The following FCHO1 variants were observed in gnomAD, a reference collection of about 807,000 sequenced individuals.
The protein encoded by FCHO1 is F-BAR domain only protein 1.
In FCHO1, 45 loss-of-function variants were observed where a neutral mutation model predicts 114.4. The ratio of observed to expected loss-of-function variants is 0.39; its 90% CI spans 0.31 to 0.50. The LOEUF (loss-of-function observed/expected upper bound fraction) is 0.50, where lower values mean the gene tolerates loss of function less well. Among genes scored for constraint, FCHO1 ranks in the 20% least tolerant of loss-of-function variants. The pLI, the probability that FCHO1 is intolerant of heterozygous loss-of-function variation, is 0.77. For synonymous variants in FCHO1, 480 were observed against 488.9 expected, an observed-to-expected ratio of 0.98 and a Z score of 0.24; for missense variants, 1,042 against 1,209.6, an observed-to-expected ratio of 0.86 and a Z score of 2.06.
intron 1 of FCHO1, 126 bp from the exon 2 acceptor site, chr19:17,754,191 C>T (rs912821735): frequency 6.6e-6 from 1 of 152,242 alleles, no homozygotes; most frequent in African/African-American, 2.4e-5. Flanking sequence ...ACAAGCCTGG[C>T]CTCTAGAACA....
At position 17,784,016 on chromosome 19, in the gene FCHO1, G is replaced by C; in HGVS notation, c.2094-87G>C. On this transcript the variant is annotated intron_variant, in intron 24 of 28. Transcript: ENST00000596536. This position sits in a 1 kb window ranked among gnomAD's most constrained non-coding sequence, Gnocchi z 5.3. Reference sequence around the variant, plus strand: ...TGGGCCCAGGGTGGGCCAGGAAATTGCATCTTTAGGAAGGGGTAGATTGAA... The same window carrying C: ...TGGGCCCAGGGTGGGCCAGGAAATTCCATCTTTAGGAAGGGGTAGATTGAA... 3 of 1,502,212 alleles carry C rather than the reference G, an allele frequency of 2.0e-6. No individual in the cohort carries two copies. The highest frequency in any genetic ancestry group is 1.3e-5 in the South Asian group (1 of 78,900). 93.1% of individuals were successfully genotyped at this position (1,502,212 alleles called of 1,614,324 possible).
chr19:17,770,832 G>A lies in FCHO1; in HGVS notation c.530G>A (p.Arg177His), dbSNP rs142922726. 19 of 1,614,142 alleles carry A rather than the reference G, an allele frequency of 1.2e-5. No individual in the cohort carries two copies. The highest frequency in any genetic ancestry group is 1.1e-4 in the African/African-American group (8 of 75,060). Residue 177 changes from arginine to histidine, a missense_variant, in exon 9 of 29, where the codon CGC becomes CAC. This residue lies in a region of FCHO1 where 450 missense variants were observed against 564.1 expected (regional missense o/e 0.80). Transcript: ENST00000596536. Reference protein sequence around the residue: ...KTKKAAESLRRSVEKYNSARA... With the variant: ...KTKKAAESLRHSVEKYNSARA... The stretch of plus-strand genomic sequence containing the variant: ...AAGAAGGCGGCAGAGAGCCTGCGGC[G>A]CTCAGTGGAAAAATACAACTCAGCC...
At chr19:17,764,546 C>A in intron 6 of FCHO1, 97 bp downstream of exon 6, 3 of 954,180 alleles carry the variant, frequency 3.1e-6, no homozygotes, top group Non-Finnish European at 3.1e-6. Flanking sequence ...GAGTGTCATC[C>A]ACCTCGATTA....
At chr19:17,765,402 T>C (rs1436471465) in intron 6 of FCHO1, among the ~76,000 whole-genome samples, 1 of 152,058 alleles carries the variant, frequency 6.6e-6, no homozygotes, top group Non-Finnish European at 1.5e-5. Context: ...CCGGGCGCGG[T>C]GGCTCAAGCC....
chr19:17,772,123 T>G (rs1369445980), intron 9 of FCHO1, among the ~76,000 whole-genome samples: 2 of 152,080 alleles, frequency 1.3e-5, no homozygotes, highest in Non-Finnish European at 2.9e-5. Context: ...TATTTCTGCT[T>G]CTTAAGTCTG....
Position 17,775,378 on chromosome 19 carries a change from C to A in FCHO1, c.946-78C>A. 1 of 1,413,390 alleles carries A rather than the reference C, an allele frequency of 7.1e-7. No homozygotes were observed. The highest frequency in any genetic ancestry group is 1.0e-6 in the Non-Finnish European group (1 of 998,638). The allele number at this position is 1,413,390 out of a possible 1,614,324, so 87.6% of individuals were successfully genotyped here. The stretch of plus-strand genomic sequence containing the variant: ...TCTGAGTCAAGGCCTGGGGGCAGGG[C>A]GGGGGGCGGTTGGCAGGGTGAGATG... On this transcript the variant is annotated intron_variant, in intron 14 of 28. Transcript: ENST00000596536. This position sits in a 1 kb window ranked among gnomAD's most constrained non-coding sequence, Gnocchi z 5.1.
intron 7 of FCHO1, 95 bp from the exon 8 acceptor site, chr19:17,770,330 C>A: frequency 7.6e-7 from 1 of 1,311,326 alleles, no homozygotes; most frequent in Non-Finnish European, 1.0e-6. Flanking sequence ...CACACACACA[C>A]ACATAGAAAA....
intron 27 of FCHO1, among the ~76,000 whole-genome samples, chr19:17,787,178 C>G (rs892931004): frequency 2.3e-5 from 3 of 130,886 alleles, no homozygotes; most frequent in Non-Finnish European, 3.1e-5. Flanking sequence ...GAGCCGAGAT[C>G]GTGCCACTGC....
chr19:17,775,460 G>A lies in FCHO1; in HGVS notation c.950G>A (p.Cys317Tyr). 6.2e-7 allele frequency: 1 copy of A among 1,613,944 alleles called. No individual in the cohort carries two copies. Among genetic ancestry groups the A allele is most frequent in the South Asian group, 1.1e-5 (1 of 91,084 alleles). Residue 317 changes from cysteine (C) to tyrosine (Y), a missense_variant, in exon 15 of 29, where the codon TGT (cysteine) becomes TAT (tyrosine). This residue lies in a region of FCHO1 where 450 missense variants were observed against 564.1 expected (regional missense o/e 0.80). Coordinates refer to ENST00000596536, the MANE Select transcript of FCHO1 (RefSeq NM_015122.3). The surrounding 1 kb of genome is among the most constrained non-coding windows in gnomAD (Gnocchi z 5.1). ...GCTGCCCCCTGACTCCCCTAGACAT[G>A]TCCAGAGGTGGATGAAGAAGGTTTC... ...VDFLEPDSGTCPEVDEEGFTV... is the reference protein window; with the variant it reads ...VDFLEPDSGTYPEVDEEGFTV...
At chr19:17,756,960 AG>A (rs2083782822) in intron 4 of FCHO1, among the ~76,000 whole-genome samples, 1 of 152,018 alleles carries the variant, frequency 6.6e-6, no homozygotes, top group Admixed American at 6.6e-5. Context: ...AGGCCGAGGG[AG>A]GCGGATCACC....
intron 3 of FCHO1, 58 bp from the exon 4 acceptor site, chr19:17,755,060 C>A (rs1405627280): frequency 2.7e-6 from 3 of 1,091,984 alleles, no homozygotes; most frequent in Non-Finnish European, 4.3e-6. Context: ...AGGGACTTTC[C>A]CCCCACCAAG....
In FCHO1 at chr19:17,776,620, G is replaced by A. The variant is rs2092666304; in HGVS notation, c.1208-15G>A. On this transcript the variant is annotated splice_polypyrimidine_tract_variant and intron_variant, in intron 17 of 28. Coordinates refer to ENST00000596536, the MANE Select transcript of FCHO1 (RefSeq NM_015122.3). This position sits in a 1 kb window ranked among gnomAD's most constrained non-coding sequence, Gnocchi z 4.4. The stretch of plus-strand genomic sequence containing the variant: ...CAGGGTGACAAGAAGGCTGAAGGAG[G>A]TGCATCTCTTGTAGGGGACGCTGCT... 1 of 1,613,712 alleles carries A rather than the reference G, an allele frequency of 6.2e-7. No homozygotes were observed. Among genetic ancestry groups the A allele is most frequent in the African/African-American group, 1.3e-5 (1 of 74,874 alleles).
chr19:17,757,377 T>C (rs1252388016), intron 4 of FCHO1, among the ~76,000 whole-genome samples: 3 of 151,942 alleles, frequency 2.0e-5, no homozygotes, highest in Admixed American at 1.3e-4. Flanking sequence ...TGGCTCTGAG[T>C]CAGACCCAGA....
intron 20 of FCHO1, among the ~76,000 whole-genome samples, chr19:17,780,735 G>C (rs2093325335): frequency 6.6e-6 from 1 of 152,074 alleles, no homozygotes; most frequent in South Asian, 2.1e-4. Context: ...AGGGGAGGTA[G>C]GTGGGAGGGG....
In FCHO1 at chr19:17,775,980, C is replaced by A. The variant is rs1437223608; in HGVS notation, c.1004-3C>A. Reference sequence around the variant, plus strand: ...ATTGGCTTGGACCTTGACTGCAGCCCACGCACGGCCGAGCCCTCCCGTTTC... The same window carrying A: ...ATTGGCTTGGACCTTGACTGCAGCCAACGCACGGCCGAGCCCTCCCGTTTC... On this transcript the variant is annotated splice_polypyrimidine_tract_variant and splice_region_variant and intron_variant, in intron 15 of 28. Coordinates refer to ENST00000596536, the MANE Select transcript of FCHO1 (RefSeq NM_015122.3). This position sits in a 1 kb window ranked among gnomAD's most constrained non-coding sequence, Gnocchi z 5.1. The A allele has an allele frequency of 1.2e-6, 2 of 1,605,746 alleles. No homozygotes were observed. Among genetic ancestry groups the A allele is most frequent in the African/African-American group, 2.7e-5 (2 of 74,870 alleles).
In FCHO1 at chr19:17,781,223, G is replaced by T. The variant is rs781248014; in HGVS notation, c.1628-8G>T. 1.6e-5 allele frequency: 25 copies of T among 1,599,434 alleles called. No individual in the cohort carries two copies. Among genetic ancestry groups the T allele is most frequent in the Non-Finnish European group, 2.1e-5 (24 of 1,169,732 alleles). On this transcript the variant is annotated splice_region_variant and splice_polypyrimidine_tract_variant and intron_variant, in intron 20 of 28. Transcript: ENST00000596536. ...ATCTCAGCAGTGCCTCTTTGTACTC[G>T]CTCCTAGACCTGATGCCTGCACCTG...
At position 17,783,104 on chromosome 19, in the gene FCHO1, C is replaced by T. The variant is rs748138413; in HGVS notation, c.2025C>T (p.Val675=). ...RVFSGTPPPP[V]LSFRLVHTTA... ...TCAGCGGGACCCCACCACCACCTGT[C>T]CTCAGCTTCCGGCTTGTACACACAA... Residue 675 remains valine, a synonymous_variant, in exon 24 of 29, where the codon GTC becomes GTT. Transcript: ENST00000596536. The T allele has an allele frequency of 5.6e-6, 9 of 1,614,044 alleles. No homozygotes were observed. Among genetic ancestry groups the T allele is most frequent in the Middle Eastern group, 3.3e-4 (2 of 6,084 alleles).
intron 27 of FCHO1, 24 bp downstream of exon 27, chr19:17,786,653 G>C (rs1366138075): frequency 1.3e-6 from 2 of 1,597,490 alleles, no homozygotes; most frequent in Non-Finnish European, 1.7e-6. Context: ...GTGTATGAGG[G>C]CTGGGTGGGA....
chr19:17,788,262 C>T (rs1568383600), intron 28 of FCHO1, 22 bp from the exon 29 acceptor site: 2 of 1,543,864 alleles, frequency 1.3e-6, no homozygotes, highest in South Asian at 2.3e-5. Flanking sequence ...CACCCCTCCC[C>T]CTCACAGCTG....
Sources: allele counts gnomAD v4.1 joint callset (sites outside exome capture counted in the v4.1 genomes callset), GRCh38; gene constraint gnomAD v4.1.1; regional missense constraint gnomAD v4.1.1; non-coding constraint Gnocchi (gnomAD v3.1); transcripts MANE v1.5; gene names NCBI Gene and HGNC (gene_info 2026-07-23, HGNC 2026-07-21).